Variants in SLCO1B3 observed in about 807,000 individuals in gnomAD.
SLCO1B3 encodes solute carrier organic anion transporter family member 1B3, also known as liver-specific organic anion transporter 2.
In SLCO1B3, 72 loss-of-function variants were observed where a neutral mutation model predicts 71.8. That is an observed-to-expected ratio of 1.00 (90% CI 0.83 to 1.22). The LOEUF (loss-of-function observed/expected upper bound fraction) is 1.22, where lower values mean the gene tolerates loss of function less well. SLCO1B3 is among the 50% of genes most tolerant of loss of function. The pLI is 0.00. For synonymous variants in SLCO1B3, 298 were observed against 278.4 expected (o/e 1.07, Z -0.70); for missense variants, 911 against 819.7 (o/e 1.11, Z -1.36).
At chr12:20,879,356 C>T in intron 10 of SLCO1B3, 80 bp from the exon 11 acceptor site, 3 of 1,044,572 alleles carry the variant, frequency 2.9e-6, no homozygotes, top group Admixed American at 2.6e-5. Context: ...GGTTGATATA[C>T]ACTGTGTTTT....
intron 15 of SLCO1B3, among the ~76,000 whole-genome samples, chr12:20,912,204 T>A (rs1183307709): frequency 2.6e-5 from 4 of 151,946 alleles, no homozygotes; most frequent in African/African-American, 9.7e-5. Context: ...TTTCCAATGA[T>A]CTTTCTGTTG....
At chr12:20,899,718 C>T (rs930741153) in intron 14 of SLCO1B3, among the ~76,000 whole-genome samples, 2 of 152,146 alleles carry the variant, frequency 1.3e-5, no homozygotes, top group Non-Finnish European at 2.9e-5. Context: ...AAAATAGCAT[C>T]TGGGTAGTTA....
intron 1 of SLCO1B3, among the ~76,000 whole-genome samples, chr12:20,811,784 C>T (rs958342924): frequency 2.6e-5 from 4 of 151,718 alleles, no homozygotes; most frequent in South Asian, 4.2e-4. Context: ...ATGTTCAGAG[C>T]AAAATATATT....
chr12:20,907,840 G>GA (rs1866285575), intron 15 of SLCO1B3, among the ~76,000 whole-genome samples: 1 of 151,634 alleles, frequency 6.6e-6, no homozygotes, highest in Admixed American at 6.6e-5. Context: ...TAAAAGTATG[G>GA]AAAAAAATAA....
Position 20,901,477 on chromosome 12 carries a change from C to A in SLCO1B3, c.1865+10C>A. The A allele has an allele frequency of 7.4e-7, 1 of 1,350,958 alleles. No homozygotes were observed. The highest frequency in any genetic ancestry group is 1.4e-5 in the South Asian group (1 of 73,054). The allele number at this position is 1,350,958 out of a possible 1,614,324, so 83.7% of individuals were successfully genotyped here. On this transcript the variant is annotated intron_variant, in intron 15 of 15. Transcript: ENST00000381545. ...ATTCCGTATTTTTTGGGTAAGTTGT[C>A]GTAAACACATTTCATTAATAGATTT...
Position 20,874,336 on chromosome 12 carries a change from A to G in SLCO1B3, c.728-899A>G, listed in dbSNP as rs138315365. On this transcript the variant is annotated intron_variant, in intron 8 of 15. Coordinates refer to ENST00000381545, the MANE Select transcript of SLCO1B3 (RefSeq NM_019844.4). ...GGAGAATGGCAAGAGGATGTCTCCA[A>G]TTATCTTACTGGTTTTTATGTATCT... is the stretch of plus-strand genomic sequence containing the variant. Among the ~76,000 whole-genome samples, 409 of 152,300 alleles carry G rather than the reference A, an allele frequency of 2.7e-3. 1 individual carries two copies. The highest frequency in any genetic ancestry group is 9.0e-3 in the African/African-American group (375 of 41,578).
chr12:20,906,024 C>T (rs1565609158), intron 15 of SLCO1B3, among the ~76,000 whole-genome samples: 1 of 152,136 alleles, frequency 6.6e-6, no homozygotes, highest in Non-Finnish European at 1.5e-5. Context: ...CACTTCTAAA[C>T]CATCAGATCT....
chr12:20,891,170 A>G (rs79179841), intron 13 of SLCO1B3, among the ~76,000 whole-genome samples: 2,296 of 150,658 alleles, frequency 0.015, 29 homozygotes, highest in Middle Eastern at 0.061. Context: ...TTTCATTTCT[A>G]TATGTTAGAA....
chr12:20,832,725 C>T (rs1351881199), intron 3 of SLCO1B3, among the ~76,000 whole-genome samples: 5 of 152,126 alleles, frequency 3.3e-5, no homozygotes, highest in African/African-American at 4.8e-5. Context: ...TCTTCTAAAA[C>T]GTTCTTCTTC....
At chr12:20,878,559 T>G (rs1397647615) in intron 10 of SLCO1B3, among the ~76,000 whole-genome samples, 1 of 152,146 alleles carries the variant, frequency 6.6e-6, no homozygotes, top group African/African-American at 2.4e-5. Context: ...AAGTATTTGA[T>G]GAGTTAAACA....
chr12:20,913,961 A>T (rs1866440822), intron 15 of SLCO1B3, among the ~76,000 whole-genome samples: 2 of 151,834 alleles, frequency 1.3e-5, no homozygotes, highest in South Asian at 4.2e-4. Flanking sequence ...GAGATGGGCA[A>T]CTCTGTTGCC....
intron 1 of SLCO1B3, among the ~76,000 whole-genome samples, chr12:20,811,312 A>G (rs1864106778): frequency 6.6e-6 from 1 of 152,068 alleles, no homozygotes; most frequent in Non-Finnish European, 1.5e-5. Flanking sequence ...TGTTCAAATA[A>G]GAGAAAAAAA....
intron 15 of SLCO1B3, among the ~76,000 whole-genome samples, chr12:20,912,821 CT>C (rs60164490): frequency 0.4 from 50,081 of 124,546 alleles, 9,623 homozygotes; most frequent in South Asian, 0.62. Flanking sequence ...TGCGCCCAGC[CT>C]TTTTTTTTTT....
At chr12:20,821,832 C>A (rs1022673491) in intron 3 of SLCO1B3, among the ~76,000 whole-genome samples, 1 of 152,146 alleles carries the variant, frequency 6.6e-6, no homozygotes, top group Non-Finnish European at 1.5e-5. Flanking sequence ...GATTAAACAC[C>A]AAGGGAAGGC....
intron 3 of SLCO1B3, among the ~76,000 whole-genome samples, chr12:20,849,841 C>A (rs1196344007): frequency 1.3e-5 from 2 of 150,990 alleles, no homozygotes; most frequent in East Asian, 3.9e-4. Flanking sequence ...TATATAGGAA[C>A]AAATTTAAAC....
At chr12:20,835,383 G>A (rs1163736264) in intron 3 of SLCO1B3, among the ~76,000 whole-genome samples, 1 of 152,042 alleles carries the variant, frequency 6.6e-6, no homozygotes, top group Non-Finnish European at 1.5e-5. Context: ...CCAGAAAATG[G>A]GTTTTTCTTT....
intron 3 of SLCO1B3, among the ~76,000 whole-genome samples, chr12:20,818,953 C>A (rs1256880561): frequency 6.6e-6 from 1 of 152,188 alleles, no homozygotes; most frequent in African/African-American, 2.4e-5. Context: ...GTGAGTACAG[C>A]TGAAGGAGCC....
In SLCO1B3 at chr12:20,877,891, GAGCAACAGT is replaced by G. The variant is rs780624558; in HGVS notation, c.1092_1100del (p.Glu364_Tyr367delinsAsp). 40 of 1,590,318 alleles carry G rather than the reference GAGCAACAGT, an allele frequency of 2.5e-5. No homozygotes were observed. The highest frequency in any genetic ancestry group is 7.0e-5 in the South Asian group (6 of 86,072). Reference sequence around the variant, plus strand: ...TTTTACTTACGTCTTTAAATATATGGAGCAACAGTACGGTCAGTCTGCATCTCATGCTAA... The same window carrying G: ...TTTTACTTACGTCTTTAAATATATGGACGGTCAGTCTGCATCTCATGCTAA... On this transcript the variant is annotated inframe_deletion, in exon 10 of 16. Transcript: ENST00000381545.
intron 15 of SLCO1B3, among the ~76,000 whole-genome samples, chr12:20,915,344 TCTTTA>T (rs1270539863): frequency 1.3e-5 from 2 of 152,196 alleles, no homozygotes; most frequent in Admixed American, 6.5e-5. Context: ...AATTTTTATC[TCTTTA>T]CTTAAATTGC....
Sources: gnomAD v4.1 joint callset for allele counts (sites outside exome capture counted in the v4.1 genomes callset) on GRCh38, gnomAD v4.1.1 for gene constraint, MANE v1.5 for transcripts, NCBI Gene and HGNC (gene_info 2026-07-23, HGNC 2026-07-21) for gene names.